Variants in KDM6B observed in about 807,000 individuals in gnomAD.
KDM6B encodes the protein lysine-specific demethylase 6B.
In KDM6B, 22 loss-of-function variants were observed where a neutral mutation model predicts 150.4. The ratio of observed to expected loss-of-function variants is 0.15; its 90% confidence interval spans 0.10 to 0.21. The LOEUF is 0.21. Among genes scored for constraint, KDM6B ranks in the 10% least tolerant of loss-of-function variants. KDM6B has a pLI of 1.00. For missense variants in KDM6B, 1,984 were observed against 2,234.3 expected (o/e 0.89, Z 2.26); for synonymous variants, 1,148 against 921.1 (o/e 1.25, Z -4.46).
intron 2 of KDM6B, among the ~76,000 whole-genome samples, chr17:7,842,001 C>A (rs1308850933): frequency 6.6e-6 from 1 of 152,216 alleles, no homozygotes; most frequent in South Asian, 2.1e-4. Context: ...GACCGCCCCA[C>A]CTCGGCGCGC....
Position 7,847,711 on chromosome 17 carries a change from C to T in KDM6B, c.1423C>T (p.Arg475Cys), listed in dbSNP as rs774548555. The change falls in exon 12 of 24, where the codon CGC becomes TGC. Residue 475 changes from arginine (R) to cysteine (C), a missense_variant. Coordinates refer to ENST00000448097, the MANE Select transcript of KDM6B (RefSeq NM_001348716.2). ...CTCACCCCCTCCACCCCCCTGTCCC[C>T]GCCTCTTACGCCCCCCACCACCCCC... ...PSSPPPPPCPRLLRPPPPPAW... is the reference protein window; with the variant it reads ...PSSPPPPPCPCLLRPPPPPAW... 10 of 1,535,048 alleles carry T rather than the reference C, an allele frequency of 6.5e-6. No homozygotes were observed. Among genetic ancestry groups the T allele is most frequent in the East Asian group, 4.9e-5 (2 of 40,748 alleles).
Position 7,845,626 on chromosome 17 carries a change from T to C in KDM6B, c.72T>C (p.Cys24=). Residue 24 remains cysteine, a synonymous_variant, in exon 5 of 24, where the codon TGT becomes TGC. Coordinates refer to ENST00000448097, the MANE Select transcript of KDM6B (RefSeq NM_001348716.2). The part of the protein sequence containing the change: ...REAFALGGLS[C]AGAWSSCPPH... ...CCTTTGCCCTTGGGGGCCTGAGCTG[T>C]GCTGGGGCCTGGAGCTCCTGCCCGC... is the stretch of plus-strand genomic sequence containing the variant. The C allele has an allele frequency of 6.2e-7, 1 of 1,614,162 alleles. No homozygotes were observed. The highest frequency in any genetic ancestry group is 8.5e-7 in the Non-Finnish European group (1 of 1,180,028).
Position 7,843,126 on chromosome 17 carries a change from A to G in KDM6B, c.-268-1775A>G, listed in dbSNP as rs1295894668. Among the ~76,000 whole-genome samples the G allele has an allele frequency of 1.3e-5, 2 of 152,136 alleles. No individual in the cohort carries two copies. The highest frequency in any genetic ancestry group is 2.4e-5 in the African/African-American group (1 of 41,408). ...GGGGAAGTGGCAGAGGGGAAGTGTC[A>G]TCATCGCCGAAGGGGAAGCTGCCTT... On this transcript the variant is annotated intron_variant, in intron 2 of 23. Transcript: ENST00000448097. This position sits in a 1 kb window ranked among gnomAD's most constrained non-coding sequence, Gnocchi z 4.5.
At chr17:7,841,005 G>A (rs1436975876) in intron 2 of KDM6B, among the ~76,000 whole-genome samples, 2 of 152,132 alleles carry the variant, frequency 1.3e-5, no homozygotes, top group Non-Finnish European at 2.9e-5. Context: ...CATAAGAGTG[G>A]TAAGAATGTG....
At position 7,837,783 on chromosome 17, in the gene KDM6B, T is replaced by C. The variant is rs140886135; in HGVS notation, c.-387-2123T>C. On this transcript the variant is annotated intron_variant, in intron 1 of 23. Transcript: ENST00000448097. Reference sequence around the variant, plus strand: ...AACACAGAATGAGTGCTTGTTGTTATGAAATACTTTTATTATTAAATGGTG... The same window carrying C: ...AACACAGAATGAGTGCTTGTTGTTACGAAATACTTTTATTATTAAATGGTG... 6.8e-4 allele frequency among the ~76,000 whole-genome samples: 104 copies of C among 152,346 alleles called. 2 individuals are homozygous for C. The East Asian group carries it at 0.013, about 19-fold the overall frequency.
At position 7,849,263 on chromosome 17, in the gene KDM6B, A is replaced by G. The variant is rs1818250191; in HGVS notation, c.2975A>G (p.Asp992Gly). The change falls in exon 12 of 24, where the codon GAC becomes GGC. Residue 992 changes from aspartate (D) to glycine (G), a missense_variant. This residue lies in a region of KDM6B where 1,379 missense variants were observed against 1,275.6 expected (regional missense o/e 1.08). Coordinates refer to ENST00000448097, the MANE Select transcript of KDM6B (RefSeq NM_001348716.2). ...CGGCGGCACAGGCGGGCCTGTAAGG[A>G]CAGTGTGGGTCGTCGGCCCCGTGAG... is the stretch of plus-strand genomic sequence containing the variant. Reference protein sequence around the residue: ...EHRRHRRACKDSVGRRPREGR... With the variant: ...EHRRHRRACKGSVGRRPREGR... 6.4e-7 allele frequency: 1 copy of G among 1,558,824 alleles called. No homozygotes were observed. The highest frequency in any genetic ancestry group is 8.7e-7 in the Non-Finnish European group (1 of 1,150,886).
chr17:7,852,429 A>AGG, intron 20 of KDM6B, 66 bp from the exon 21 acceptor site: 3 of 1,289,812 alleles, frequency 2.3e-6, no homozygotes, highest in Non-Finnish European at 3.2e-6. Context: ...CAGTGAGGGA[A>AGG]GGGGCTTGGG....
rs140925165 is a variant in KDM6B, at chr17:7,851,390, C to A, written c.3940C>A (p.Pro1314Thr). Residue 1314 changes from proline to threonine, a missense_variant, in exon 16 of 24, where the codon CCT becomes ACT. Around this residue, in one of 13 missense-constraint regions of KDM6B, gnomAD observed 41 missense variants for 38.4 expected, o/e 1.07. Coordinates refer to ENST00000448097, the MANE Select transcript of KDM6B (RefSeq NM_001348716.2). ...GCCAGACAGCACCACTGGAACCCCT[C>A]CTAGGTACTGTGCAGGTGTGCCCCT... ...EEPDSTTGTP[P>T]SSAPDPKNHH... is the part of the protein sequence containing the mutation. The A allele has an allele frequency of 4.3e-6, 7 of 1,614,174 alleles. No individual in the cohort carries two copies. In the South Asian group the frequency reaches 7.7e-5, roughly 18 times the overall value.
intron 19 of KDM6B, 31 bp from the exon 20 acceptor site, chr17:7,852,118 A>C: frequency 5.6e-6 from 9 of 1,613,968 alleles, no homozygotes; most frequent in Non-Finnish European, 7.6e-6. Context: ...CTCGGTCCCC[A>C]GTTCCCACCT....
Position 7,846,065 on chromosome 17 carries a change from T to G in KDM6B, c.237-13T>G. On this transcript the variant is annotated splice_polypyrimidine_tract_variant and intron_variant, in intron 6 of 23. Coordinates refer to ENST00000448097, the MANE Select transcript of KDM6B (RefSeq NM_001348716.2). ...CAACCCCCACCCACACCCCCACCCC[T>G]TCTGCTCTGTAGGGCGCCCACTCCA... 2.7e-6 allele frequency: 1 copy of G among 375,820 alleles called. No homozygotes were observed. Among genetic ancestry groups the G allele is most frequent in the Non-Finnish European group, 4.8e-6 (1 of 206,696 alleles). 23.3% of individuals were successfully genotyped at this position (375,820 alleles called of 1,614,324 possible). A position where few individuals can be genotyped will look rare whatever the true frequency, so the allele number is the denominator to read the frequency against.
Position 7,846,689 on chromosome 17 carries a change from G to C in KDM6B, c.660G>C (p.Glu220Asp), listed in dbSNP as rs769770562. The change falls in exon 9 of 24, where the codon GAG becomes GAC. Residue 220 changes from glutamate to aspartate, a missense_variant. By Grantham distance (45) the Glu-to-Asp change is conservative. This residue lies in a region of KDM6B where 337 missense variants were observed against 323.9 expected (regional missense o/e 1.04). Transcript: ENST00000448097. ...CAGCACTCTCAGGCCCCTCAGGGGA[G>C]GAGGGCCTCAGCCCTGGAGGCAAGC... ...PPAALSGPSG[E>D]EGLSPGGKRR... The C allele has an allele frequency of 4.3e-6, 7 of 1,614,138 alleles. No homozygotes were observed. In the Admixed American group the frequency reaches 1.2e-4, roughly 27 times the overall value.
chr17:7,842,985 G>T (rs1430812248), intron 2 of KDM6B, among the ~76,000 whole-genome samples: 2 of 149,668 alleles, frequency 1.3e-5, no homozygotes, highest in Non-Finnish European at 2.9e-5. Flanking sequence ...TTCAAGTGAG[G>T]GCTTTGTATT....
rs1265035142 is a variant in KDM6B at position 7,853,500 on chromosome 17, C to T, written c.4911C>T (p.Ala1637=). 2.0e-6 allele frequency: 3 copies of T among 1,508,816 alleles called. No homozygotes were observed. The highest frequency in any genetic ancestry group is 2.6e-6 in the Non-Finnish European group (3 of 1,135,628). 93.5% of individuals were successfully genotyped at this position (1,508,816 alleles called of 1,614,324 possible). A position where few individuals can be genotyped will look rare whatever the true frequency, so the allele number is the denominator to read the frequency against. Residue 1637 remains alanine (A), a splice_region_variant and synonymous_variant, in exon 24 of 24, where the codon GCC becomes GCT. Coordinates refer to ENST00000448097, the MANE Select transcript of KDM6B (RefSeq NM_001348716.2). ...CCCCGCCGGCTTTCTCCCCCCAGGCCCCAGCCAGCACGTCGCGATGAGGCC... is the reference window on the plus strand; with the variant it reads ...CCCCGCCGGCTTTCTCCCCCCAGGCTCCAGCCAGCACGTCGCGATGAGGCC... ...LAQAYDAFTL[A]PASTSR
Position 7,845,941 on chromosome 17 carries a change from G to A in KDM6B, c.207G>A (p.Gly69=), listed in dbSNP as rs759742385. Residue 69 remains glycine (G), a synonymous_variant, in exon 6 of 24, where the codon GGG becomes GGA. Coordinates refer to ENST00000448097, the MANE Select transcript of KDM6B (RefSeq NM_001348716.2). ...CCCCTTCACATGGCAGTAGTTCTGG[G>A]CACCCCAGCAAACCATATTATGCTC... ...PLPPSHGSSS[G]HPSKPYYAPG... is the part of the protein sequence containing the mutation. 2 of 1,613,922 alleles carry A rather than the reference G, an allele frequency of 1.2e-6. No homozygotes were observed. Among genetic ancestry groups the A allele is most frequent in the East Asian group, 4.5e-5 (2 of 44,886 alleles).
chr17:7,849,311 A>G lies in KDM6B; in HGVS notation c.3023A>G (p.Lys1008Arg). Residue 1008 changes from lysine to arginine, a missense_variant, in exon 12 of 24, where the codon AAG (lysine) becomes AGG (arginine). Lys to Arg is a conservative substitution (Grantham distance 26). This residue lies in a region of KDM6B where 1,379 missense variants were observed against 1,275.6 expected (regional missense o/e 1.08). Coordinates refer to ENST00000448097, the MANE Select transcript of KDM6B (RefSeq NM_001348716.2). ...GAGGGCAGGGCAAAGGCCAAGGCCA[A>G]GGTCCCCAAAGAAAAGAGCCGCCGG... The part of the protein sequence containing the change: ...PREGRAKAKA[K>R]VPKEKSRRVL... 2 of 1,562,154 alleles carry G rather than the reference A, an allele frequency of 1.3e-6. No homozygotes were observed. The highest frequency in any genetic ancestry group is 1.9e-5 in the Admixed American group (1 of 52,598).
In KDM6B at chr17:7,846,483, A is replaced by T. The variant is rs772838616; in HGVS notation, c.540A>T (p.Leu180=). 1.2e-6 allele frequency: 2 copies of T among 1,612,476 alleles called. No individual in the cohort carries two copies. Among genetic ancestry groups the T allele is most frequent in the Admixed American group, 3.4e-5 (2 of 59,674 alleles). ...CACTGGAGCAAGTGTGGAACTTGCT[A>T]CACCTTGAGGTGAGGCTGGCACTGG... The part of the protein sequence containing the change: ...LPPLEQVWNL[L]HLEHKRNYGA... Residue 180 remains leucine (L), a synonymous_variant, in exon 8 of 24, where the codon CTA becomes CTT. Transcript: ENST00000448097.
chr17:7,847,793 A>C lies in KDM6B; in HGVS notation c.1505A>C (p.Glu502Ala). The C allele has an allele frequency of 6.5e-7, 1 of 1,543,096 alleles. No homozygotes were observed. The highest frequency in any genetic ancestry group is 8.7e-7 in the Non-Finnish European group (1 of 1,144,766). Residue 502 changes from glutamate (E) to alanine (A), a missense_variant, in exon 12 of 24, where the codon GAA becomes GCA. Coordinates refer to ENST00000448097, the MANE Select transcript of KDM6B (RefSeq NM_001348716.2). ...GCCCGAGAGGATGGAGAGATCTTAG[A>C]AGAGCTCTTCTTTGGGACTGAGGGA... is the stretch of plus-strand genomic sequence containing the variant. ...RAAREDGEIL[E>A]ELFFGTEGPP...
intron 14 of KDM6B, among the ~76,000 whole-genome samples, chr17:7,850,621 T>C (rs969112718): frequency 6.6e-5 from 10 of 152,232 alleles, no homozygotes; most frequent in African/African-American, 2.4e-4. Context: ...TTCACTTGAC[T>C]GAATCTTTAA....
rs1371898048 is a variant in KDM6B, at chr17:7,846,062, C to T, written c.237-16C>T. 1 of 1,572,746 alleles carries T rather than the reference C, an allele frequency of 6.4e-7. No individual in the cohort carries two copies. The highest frequency in any genetic ancestry group is 8.7e-7 in the Non-Finnish European group (1 of 1,155,376). On this transcript the variant is annotated splice_polypyrimidine_tract_variant and intron_variant, in intron 6 of 23. Coordinates refer to ENST00000448097, the MANE Select transcript of KDM6B (RefSeq NM_001348716.2). ...GCCCAACCCCCACCCACACCCCCAC[C>T]CCTTCTGCTCTGTAGGGCGCCCACT...
Sources: gnomAD v4.1 joint callset for allele counts (sites outside exome capture counted in the v4.1 genomes callset) on GRCh38, gnomAD v4.1.1 for gene constraint, gnomAD v4.1.1 regional missense constraint, Gnocchi (gnomAD v3.1) non-coding constraint, MANE v1.5 for transcripts, NCBI Gene and HGNC (gene_info 2026-07-23, HGNC 2026-07-21) for gene names.